The following TM9SF4 variants were observed in gnomAD, a reference collection of about 807,000 sequenced individuals.
The protein encoded by TM9SF4 is transmembrane 9 superfamily member 4.
Under a neutral mutation model 90.4 loss-of-function variants are expected in TM9SF4, and 26 were observed. The observed-to-expected ratio is 0.29, with a 90% confidence interval of 0.21 to 0.40. The LOEUF is 0.40. Among genes scored for constraint, TM9SF4 ranks in the 10% least tolerant of loss-of-function variants. The pLI, the probability that TM9SF4 is intolerant of heterozygous loss-of-function variation, is 1.00. For synonymous variants in TM9SF4, 293 were observed against 315.4 expected (o/e 0.93, Z 0.75); for missense variants, 549 against 834.8 (o/e 0.66, Z 4.22).
In TM9SF4 at chr20:32,165,782, A is replaced by C; in HGVS notation, c.*338A>C. The C allele has an allele frequency of 4.4e-6, 1 of 226,386 alleles. No individual in the cohort carries two copies. The highest frequency in any genetic ancestry group is 8.9e-6 in the Non-Finnish European group (1 of 112,296). 14.0% of individuals were successfully genotyped at this position (226,386 alleles called of 1,614,324 possible). ...TTTCCTTCTTTGTTTTAACAAATGG[A>C]TCCAGGATGGATAAATCCACCGAGA... On this transcript the variant is annotated 3_prime_UTR_variant, in exon 18 of 18. Transcript: ENST00000398022.
At chr20:32,122,448 A>ACGGGG (rs1290509869) in intron 1 of TM9SF4, among the ~76,000 whole-genome samples, 1 of 144,680 alleles carries the variant, frequency 6.9e-6, no homozygotes, top group Non-Finnish European at 1.5e-5. Context: ...CACTTCTCAT[A>ACGGGG]CGGGGCGGCT....
chr20:32,153,861 C>T (rs8118061), intron 12 of TM9SF4, among the ~76,000 whole-genome samples: 20,982 of 152,232 alleles, frequency 0.14, 1,514 homozygotes, highest in East Asian at 0.18. Context: ...TGCAGTAGGT[C>T]AGGAGCATGG....
In TM9SF4 at chr20:32,146,813, C is replaced by A; in HGVS notation, c.912C>A (p.Thr304=). Reference sequence around the variant, plus strand: ...TCCTGAGCATGATTATCATTCGGACCCTCCGGAAGGACATTGCCAACTACA... The same window carrying A: ...TCCTGAGCATGATTATCATTCGGACACTCCGGAAGGACATTGCCAACTACA... ...SGILSMIIIR[T]LRKDIANYNK... is the part of the protein sequence containing the mutation. Residue 304 remains threonine, a synonymous_variant, in exon 9 of 18, where the codon ACC becomes ACA. Coordinates refer to ENST00000398022, the MANE Select transcript of TM9SF4 (RefSeq NM_014742.4). 1.2e-6 allele frequency: 2 copies of A among 1,614,044 alleles called. No homozygotes were observed. Among genetic ancestry groups the A allele is most frequent in the Non-Finnish European group, 1.7e-6 (2 of 1,179,990 alleles).
chr20:32,145,523 C>G, intron 8 of TM9SF4, 100 bp downstream of exon 8: 1 of 1,030,362 alleles, frequency 9.7e-7, no homozygotes, highest in South Asian at 1.4e-5. Context: ...TTCTGAGGGT[C>G]AGGCGTAGGT....
At chr20:32,120,726 T>C (rs146650610) in intron 1 of TM9SF4, among the ~76,000 whole-genome samples, 213 of 152,326 alleles carry the variant, frequency 1.4e-3, no homozygotes, top group Middle Eastern at 3.4e-3. Flanking sequence ...GTTCCTGATC[T>C]TAGGGGAAAT....
intron 1 of TM9SF4, among the ~76,000 whole-genome samples, chr20:32,120,599 T>C (rs963023620): frequency 2.0e-5 from 3 of 152,194 alleles, no homozygotes; most frequent in Non-Finnish European, 2.9e-5. Context: ...TTATTTCTTT[T>C]AATTTTTTCC....
At chr20:32,123,147 A>C (rs1437194573) in intron 1 of TM9SF4, among the ~76,000 whole-genome samples, 2 of 105,454 alleles carry the variant, frequency 1.9e-5, no homozygotes, top group Non-Finnish European at 3.7e-5. Flanking sequence ...TCGGCATGAG[A>C]GGGAGACCAT....
intron 1 of TM9SF4, among the ~76,000 whole-genome samples, chr20:32,114,041 G>A (rs1191195969): frequency 6.6e-6 from 1 of 152,218 alleles, no homozygotes. Flanking sequence ...ACCACAGCTT[G>A]TTTATCACTC....
chr20:32,145,014 G>A, intron 6 of TM9SF4, 77 bp from the exon 7 acceptor site: 1 of 1,417,974 alleles, frequency 7.1e-7, no homozygotes, highest in Non-Finnish European at 1.0e-6. Context: ...AGGCAGCCTT[G>A]AGGGCAGCCC....
chr20:32,127,612 C>T (rs2046442169), intron 1 of TM9SF4, among the ~76,000 whole-genome samples: 2 of 152,094 alleles, frequency 1.3e-5, no homozygotes, highest in South Asian at 2.1e-4. Flanking sequence ...TTTTCCTGTT[C>T]GGGCATTCTT....
chr20:32,126,544 T>A (rs960043336), intron 1 of TM9SF4, among the ~76,000 whole-genome samples: 21 of 152,096 alleles, frequency 1.4e-4, no homozygotes, highest in Admixed American at 3.9e-4. Flanking sequence ...GCTGCTCCCA[T>A]GTACTCCCCA....
At chr20:32,141,939 C>T in intron 5 of TM9SF4, 44 bp downstream of exon 5, 4 of 1,611,694 alleles carry the variant, frequency 2.5e-6, no homozygotes, top group African/African-American at 1.3e-5. Flanking sequence ...AGCCACACCT[C>T]ACGAGTCCTG....
At chr20:32,148,757 G>A (rs1260796241) in intron 9 of TM9SF4, among the ~76,000 whole-genome samples, 9 of 141,622 alleles carry the variant, frequency 6.4e-5, no homozygotes, top group South Asian at 2.4e-4. Flanking sequence ...TGCAAGCTCC[G>A]CCTTCCAGGT....
chr20:32,126,712 T>A (rs1454162044), intron 1 of TM9SF4, among the ~76,000 whole-genome samples: 1 of 150,800 alleles, frequency 6.6e-6, no homozygotes, highest in East Asian at 2.0e-4. Context: ...AGGTGCTCAA[T>A]AAGTAGTTGG....
chr20:32,133,197 C>T lies in TM9SF4; in HGVS notation c.129+71C>T, dbSNP rs73250844. On this transcript the variant is annotated intron_variant, in intron 2 of 17. Coordinates refer to ENST00000398022, the MANE Select transcript of TM9SF4 (RefSeq NM_014742.4). Reference sequence around the variant, plus strand: ...GTCTGGAGCACCATGGTGAGCTGTTCGTGTCCATCCTGTGGTTGCAGAGAA... The same window carrying T: ...GTCTGGAGCACCATGGTGAGCTGTTTGTGTCCATCCTGTGGTTGCAGAGAA... 1.9e-5 allele frequency: 27 copies of T among 1,392,142 alleles called. No individual in the cohort carries two copies. In the African/African-American group the frequency reaches 2.6e-4, roughly 13 times the overall value. The allele number at this position is 1,392,142 out of a possible 1,614,324, so 86.2% of individuals were successfully genotyped here.
chr20:32,121,941 C>A (rs2046317990), intron 1 of TM9SF4, among the ~76,000 whole-genome samples: 2 of 144,916 alleles, frequency 1.4e-5, no homozygotes, highest in South Asian at 4.4e-4. Flanking sequence ...TGACCCCCCC[C>A]AGCTCCCTCC....
intron 2 of TM9SF4, among the ~76,000 whole-genome samples, chr20:32,133,466 G>A (rs2046550280): frequency 6.6e-6 from 1 of 152,002 alleles, no homozygotes; most frequent in African/African-American, 2.4e-5. Context: ...TAGCATCTCT[G>A]CCTCCCTTTC....
chr20:32,162,889 T>C (rs2047038007), intron 17 of TM9SF4, among the ~76,000 whole-genome samples: 1 of 152,204 alleles, frequency 6.6e-6, no homozygotes, highest in Non-Finnish European at 1.5e-5. Context: ...AAAAGTAGCT[T>C]AAGCAAAAAG....
chr20:32,126,068 AACACACACACACACAC>A lies in TM9SF4; in HGVS notation c.16-6921_16-6906del, dbSNP rs71185382. ...GCTGCACACAGCCCTCTTTCCCGTA[AACACACACACACACAC>A]ACACACACACACACACACACACAGT... On this transcript the variant is annotated intron_variant, in intron 1 of 17. Coordinates refer to ENST00000398022, the MANE Select transcript of TM9SF4 (RefSeq NM_014742.4). Among the ~76,000 whole-genome samples the A allele has an allele frequency of 2.3e-3, 319 of 138,678 alleles. 1 individual carries two copies. The highest frequency in any genetic ancestry group is 3.9e-3 in the Non-Finnish European group (252 of 65,066). The allele number at this position is 138,678 out of a possible 152,430, so 91.0% of individuals were successfully genotyped here.
Sources: gnomAD v4.1 joint callset for allele counts (sites outside exome capture counted in the v4.1 genomes callset) on GRCh38, gnomAD v4.1.1 for gene constraint, MANE v1.5 for transcripts, NCBI Gene and HGNC (gene_info 2026-07-23, HGNC 2026-07-21) for gene names.